ADGRB1: variants seen among roughly 807,000 people sequenced by gnomAD.
The protein encoded by ADGRB1 is brain-specific angiogenesis inhibitor 1.
In ADGRB1, 36 loss-of-function variants were observed where a neutral mutation model predicts 175.7. The ratio of observed to expected loss-of-function variants is 0.20; its 90% CI spans 0.16 to 0.27. The LOEUF is 0.27. Ranked by LOEUF, ADGRB1 falls within the 10% of genes least tolerant of loss-of-function variation. The probability of loss-of-function intolerance (pLI) is 1.00; values close to 1 mark genes in which losing one functional copy is unlikely to be tolerated. For missense variants in ADGRB1, 1,731 were observed against 2,255.3 expected (o/e 0.77, Z 4.71); for synonymous variants, 1,054 against 979.4 (o/e 1.08, Z -1.42).
chr8:142,527,389 C>T (rs973433949), intron 24 of ADGRB1, among the ~76,000 whole-genome samples: 1 of 152,168 alleles, frequency 6.6e-6, no homozygotes, highest in African/African-American at 2.4e-5. Flanking sequence ...TGGTGTCTCT[C>T]TGTCTCTCTC....
At chr8:142,470,970 G>C (rs112624530) in intron 2 of ADGRB1, among the ~76,000 whole-genome samples, 5 of 152,094 alleles carry the variant, frequency 3.3e-5, no homozygotes, top group Non-Finnish European at 5.9e-5. Context: ...CAGAGGGAGC[G>C]GCAAAGCCTG....
chr8:142,525,491 C>T (rs1458400071), intron 23 of ADGRB1, among the ~76,000 whole-genome samples: 2 of 152,144 alleles, frequency 1.3e-5, no homozygotes, highest in African/African-American at 4.8e-5. Context: ...CTGCTGCAGG[C>T]AGTGGTCCGT....
At chr8:142,465,882 G>A (rs1694728563) in intron 2 of ADGRB1, among the ~76,000 whole-genome samples, 1 of 152,208 alleles carries the variant, frequency 6.6e-6, no homozygotes, top group Non-Finnish European at 1.5e-5. Context: ...CAGAGGGGCA[G>A]GGGCCAGTCC....
intron 18 of ADGRB1, among the ~76,000 whole-genome samples, chr8:142,513,515 C>T (rs1191852805): frequency 6.6e-6 from 1 of 152,102 alleles, no homozygotes; most frequent in African/African-American, 2.4e-5. Context: ...TGCAGCCTGC[C>T]CCTGGCAGGT....
At chr8:142,505,630 T>G (rs1842814114) in intron 17 of ADGRB1, among the ~76,000 whole-genome samples, 1 of 151,920 alleles carries the variant, frequency 6.6e-6, no homozygotes, top group Admixed American at 6.6e-5. Context: ...GTTGGGAGGT[T>G]GGGTGAGGGA....
intron 1 of ADGRB1, among the ~76,000 whole-genome samples, chr8:142,456,763 C>G (rs904730109): frequency 6.6e-6 from 1 of 152,238 alleles, no homozygotes; most frequent in East Asian, 1.9e-4. Flanking sequence ...GCCTGCCCGC[C>G]GTGGTGGGGT....
chr8:142,527,981 C>T (rs1030016034), intron 24 of ADGRB1, among the ~76,000 whole-genome samples: 14 of 152,202 alleles, frequency 9.2e-5, no homozygotes, highest in Admixed American at 2.6e-4. Context: ...GTGTGTGCCA[C>T]GGGGGCCAGC....
chr8:142,455,927 G>C lies in ADGRB1; in HGVS notation c.-220+5823G>C, dbSNP rs539916083. ...GACAGGAGGGTGGGTGGCCCTACCTGCCTGTCCCGGAGAGTGCCAGAGCGT... is the reference window on the plus strand; with the variant it reads ...GACAGGAGGGTGGGTGGCCCTACCTCCCTGTCCCGGAGAGTGCCAGAGCGT... On this transcript the variant is annotated intron_variant, in intron 1 of 30. Coordinates refer to ENST00000517894, the MANE Select transcript of ADGRB1 (RefSeq NM_001702.3). This position sits in a 1 kb window ranked among gnomAD's most constrained non-coding sequence, Gnocchi z 4.9. Among the ~76,000 whole-genome samples, 2 of 152,284 alleles carry C rather than the reference G, an allele frequency of 1.3e-5. No homozygotes were observed. The highest frequency in any genetic ancestry group is 4.1e-4 in the South Asian group (2 of 4,824).
chr8:142,528,768 T>G (rs189799806), intron 24 of ADGRB1, among the ~76,000 whole-genome samples: 96 of 152,314 alleles, frequency 6.3e-4, no homozygotes, highest in African/African-American at 2.2e-3. Context: ...TCTGGGTTTC[T>G]AGGCCACTCC....
Position 142,481,258 on chromosome 8 carries a change from C to T in ADGRB1, c.1833C>T (p.Leu611=). ...AGAAGGGGATGGTCTCCCCAGGACT[C>T]ATCCTGCGACGGTGTGAGCTGGACG... ...AVRCPRNATG[L]ILRRCELDEE... is the part of the protein sequence containing the mutation. The change falls in exon 10 of 31, where the codon CTC becomes CTT. Residue 611 remains leucine (L), a synonymous_variant. Coordinates refer to ENST00000517894, the MANE Select transcript of ADGRB1 (RefSeq NM_001702.3). The T allele has an allele frequency of 1.2e-6, 2 of 1,613,566 alleles. No homozygotes were observed. Among genetic ancestry groups the T allele is most frequent in the African/African-American group, 1.3e-5 (1 of 75,060 alleles).
chr8:142,535,232 G>A (rs1040523779), intron 25 of ADGRB1, among the ~76,000 whole-genome samples: 7 of 152,154 alleles, frequency 4.6e-5, no homozygotes. Flanking sequence ...ACAGCGGAGA[G>A]GAGGGGCTCC....
At chr8:142,516,333 G>T (rs1254116612) in intron 18 of ADGRB1, among the ~76,000 whole-genome samples, 3 of 145,238 alleles carry the variant, frequency 2.1e-5, no homozygotes, top group Non-Finnish European at 4.5e-5. Context: ...AGGTGCATGC[G>T]TGTGTGCGGG....
intron 17 of ADGRB1, among the ~76,000 whole-genome samples, chr8:142,497,382 G>C (rs930212917): frequency 6.6e-6 from 1 of 151,604 alleles, no homozygotes; most frequent in African/African-American, 2.4e-5. Context: ...GGCAGGCCAA[G>C]GGGGGGGAAG....
intron 23 of ADGRB1, among the ~76,000 whole-genome samples, chr8:142,525,946 C>G (rs1358781072): frequency 2.6e-5 from 4 of 152,138 alleles, no homozygotes; most frequent in Non-Finnish European, 5.9e-5. Flanking sequence ...CCCCAGGATG[C>G]TCAGGGCCAG....
At chr8:142,518,619 C>T (rs1379659525) in intron 19 of ADGRB1, among the ~76,000 whole-genome samples, 1 of 152,236 alleles carries the variant, frequency 6.6e-6, no homozygotes, top group East Asian at 1.9e-4. Context: ...GCTCACTCTC[C>T]ACCCCAAACC....
intron 24 of ADGRB1, among the ~76,000 whole-genome samples, chr8:142,531,523 C>A (rs772655497): frequency 3.3e-5 from 5 of 152,208 alleles, no homozygotes; most frequent in Non-Finnish European, 7.4e-5. Context: ...GCCTCTAGTA[C>A]ACTCCAAAGT....
intron 7 of ADGRB1, 38 bp downstream of exon 7, chr8:142,478,398 A>G (rs748604155): frequency 5.2e-6 from 8 of 1,546,014 alleles, no homozygotes; most frequent in Non-Finnish European, 7.0e-6. Context: ...GGGGCACCTA[A>G]CAAGCAGGAG....
chr8:142,521,860 AG>A, intron 20 of ADGRB1, 104 bp from the exon 21 acceptor site: 1 of 1,345,058 alleles, frequency 7.4e-7, no homozygotes, highest in Non-Finnish European at 1.0e-6. Context: ...GGTCCCAGTG[AG>A]GGTGCTGGGT....
Position 142,511,083 on chromosome 8 carries a change from C to G in ADGRB1, c.2817+10C>G. On this transcript the variant is annotated intron_variant, in intron 18 of 30. Coordinates refer to ENST00000517894, the MANE Select transcript of ADGRB1 (RefSeq NM_001702.3). The surrounding 1 kb of genome is among the most constrained non-coding windows in gnomAD (Gnocchi z 4.5). ...GCTCAGCGCCGACGCGGTGAGACCCCGGCCGGGCCGGCGGGAGGGGCGCCG... is the reference window on the plus strand; with the variant it reads ...GCTCAGCGCCGACGCGGTGAGACCCGGGCCGGGCCGGCGGGAGGGGCGCCG... The G allele has an allele frequency of 9.0e-7, 1 of 1,111,536 alleles. No individual in the cohort carries two copies. The highest frequency in any genetic ancestry group is 3.6e-4 in the Middle Eastern group (1 of 2,762). 68.9% of individuals were successfully genotyped at this position (1,111,536 alleles called of 1,614,324 possible). A position where few individuals can be genotyped will look rare whatever the true frequency, so the allele number is the denominator to read the frequency against.
Sources: gnomAD v4.1 joint callset for allele counts (sites outside exome capture counted in the v4.1 genomes callset) on GRCh38, gnomAD v4.1.1 for gene constraint, Gnocchi (gnomAD v3.1) non-coding constraint, MANE v1.5 for transcripts, NCBI Gene and HGNC (gene_info 2026-07-23, HGNC 2026-07-21) for gene names.